SOX5: variants seen among roughly 807,000 people sequenced by gnomAD.
SOX5 encodes the protein SRY-box transcription factor 5.
In SOX5, 9 loss-of-function variants were observed where a neutral mutation model predicts 92.0. That is an observed-to-expected ratio of 0.10 (90% CI 0.06 to 0.17). SOX5 has a LOEUF of 0.17. Ranked by LOEUF, SOX5 falls within the 10% of genes least tolerant of loss-of-function variation. The probability of loss-of-function intolerance (pLI) is 1.00; values close to 1 mark genes in which losing one functional copy is unlikely to be tolerated. For missense variants in SOX5, 642 were observed against 944.5 expected (o/e 0.68, Z 4.20); for synonymous variants, 344 against 336.3 (o/e 1.02, Z -0.25).
chr12:23,760,012 T>C (rs958246300), intron 3 of SOX5, among the ~76,000 whole-genome samples: 1 of 152,056 alleles, frequency 6.6e-6, no homozygotes, highest in African/African-American at 2.4e-5. Flanking sequence ...TTTTAAGATG[T>C]GTCATGTTTT....
At chr12:23,962,279 C>CAG (rs5797053) in intron 4 of SOX5, among the ~76,000 whole-genome samples, 151,966 of 152,178 alleles carry the variant, frequency 1, 75,878 homozygotes, top group Non-Finnish European at 1. Flanking sequence ...TCAGTGGTGA[C>CAG]AGACTCTTAA....
intron 2 of SOX5, among the ~76,000 whole-genome samples, chr12:23,878,180 T>C (rs1224384882): frequency 6.6e-6 from 1 of 152,064 alleles, no homozygotes; most frequent in Non-Finnish European, 1.5e-5. Context: ...CAAGAATTAG[T>C]AGTATAGTTT....
At chr12:23,742,125 G>C (rs1204844473) in intron 4 of SOX5, among the ~76,000 whole-genome samples, 1 of 152,072 alleles carries the variant, frequency 6.6e-6, no homozygotes, top group Non-Finnish European at 1.5e-5. Context: ...TAGATAGAAG[G>C]ATCTGTTATA....
Position 23,790,479 on chromosome 12 carries a change from C to T in SOX5, c.482-34755G>A, listed in dbSNP as rs573288643. 3.3e-5 allele frequency among the ~76,000 whole-genome samples: 5 copies of T among 151,732 alleles called. No homozygotes were observed. The South Asian group carries it at 1.0e-3, about 32-fold the overall frequency. On this transcript the variant is annotated intron_variant, in intron 3 of 14. Transcript: ENST00000451604. Reference sequence around the variant, plus strand: ...GTTATTTCTTTCACAACCTCATTGTCCCTTCTTGCAGCGCCTGCCCTCCCT... The same window carrying T: ...GTTATTTCTTTCACAACCTCATTGTTCCTTCTTGCAGCGCCTGCCCTCCCT...
intron 1 of SOX5, among the ~76,000 whole-genome samples, chr12:24,512,999 T>G (rs1713344190): frequency 6.6e-6 from 1 of 152,202 alleles, no homozygotes; most frequent in Non-Finnish European, 1.5e-5. Flanking sequence ...GTAGAAACCA[T>G]ACTTCAAATT....
intron 2 of SOX5, among the ~76,000 whole-genome samples, chr12:23,875,451 C>T (rs1483786606): frequency 6.6e-6 from 1 of 151,726 alleles, no homozygotes; most frequent in Non-Finnish European, 1.5e-5. Context: ...AAATGTGTTA[C>T]AATTCTGCAA....
intron 1 of SOX5, among the ~76,000 whole-genome samples, chr12:24,495,104 CA>C (rs1381782259): frequency 6.6e-6 from 1 of 152,150 alleles, no homozygotes; most frequent in Non-Finnish European, 1.5e-5. Flanking sequence ...GAACCATTGT[CA>C]AATTAAGGAC....
At chr12:24,383,703 C>T (rs2136392567) in intron 1 of SOX5, among the ~76,000 whole-genome samples, 1 of 152,180 alleles carries the variant, frequency 6.6e-6, no homozygotes, top group Admixed American at 6.5e-5. Context: ...GGCAGCAGTC[C>T]CCAAACTTTT....
chr12:24,453,944 T>TA (rs1385219708), intron 1 of SOX5, among the ~76,000 whole-genome samples: 1 of 152,222 alleles, frequency 6.6e-6, no homozygotes, highest in Non-Finnish European at 1.5e-5. Flanking sequence ...TTGTATACTA[T>TA]AGATATCCAA....
rs543227001 is a variant in SOX5, at chr12:23,959,222, A to G, written c.-1-63198T>C. ...ATAATCAGACAAATTTTGCAAAAGA[A>G]AAAGAATGAGGGCTTAATTTACTAG... On this transcript the variant is annotated intron_variant, in intron 4 of 4. Transcript: ENST00000446891. Among the ~76,000 whole-genome samples the G allele has an allele frequency of 3.7e-4, 56 of 152,070 alleles. 1 individual carries two copies. The highest frequency in any genetic ancestry group is 9.8e-4 in the Admixed American group (15 of 15,286).
chr12:23,718,249 G>A (rs182783892), intron 6 of SOX5, among the ~76,000 whole-genome samples: 1 of 152,254 alleles, frequency 6.6e-6, no homozygotes, highest in East Asian at 1.9e-4. Context: ...ATAAAATGGT[G>A]TAATTATTCT....
chr12:23,790,548 T>TCTCACACACACACA (rs1340837266), intron 3 of SOX5, among the ~76,000 whole-genome samples: 2 of 137,322 alleles, frequency 1.5e-5, no homozygotes, highest in African/African-American at 5.6e-5. Context: ...TCTCAATCTC[T>TCTCACACACACACA]CACACACACA....
At chr12:24,553,967 G>C (rs1953488449) in intron 1 of SOX5, among the ~76,000 whole-genome samples, 1 of 152,208 alleles carries the variant, frequency 6.6e-6, no homozygotes, top group African/African-American at 2.4e-5. Flanking sequence ...TGGAGATGAG[G>C]CTGAGAGTGA....
intron 4 of SOX5, among the ~76,000 whole-genome samples, chr12:23,984,990 C>T (rs1280184798): frequency 6.6e-6 from 1 of 152,096 alleles, no homozygotes; most frequent in East Asian, 1.9e-4. Flanking sequence ...ATATAAATAA[C>T]TCTGGCAGCT....
chr12:23,555,925 C>G (rs1317895771), intron 11 of SOX5, among the ~76,000 whole-genome samples: 3 of 152,160 alleles, frequency 2.0e-5, no homozygotes, highest in Admixed American at 2.0e-4. Flanking sequence ...AGCCTATACT[C>G]AATTTCTAAA....
chr12:24,159,424 CTCTAT>C (rs1230744134), intron 4 of SOX5, among the ~76,000 whole-genome samples: 1 of 151,914 alleles, frequency 6.6e-6, no homozygotes, highest in Non-Finnish European at 1.5e-5. Context: ...TTGTAACAAA[CTCTAT>C]TCTAAGAGAA....
chr12:24,103,487 T>C (rs1946326879), intron 4 of SOX5, among the ~76,000 whole-genome samples: 1 of 152,140 alleles, frequency 6.6e-6, no homozygotes, highest in Non-Finnish European at 1.5e-5. Flanking sequence ...CCCAAGTAGC[T>C]AGGACTACAG....
chr12:24,498,382 T>C (rs996452133), intron 1 of SOX5, among the ~76,000 whole-genome samples: 14 of 152,174 alleles, frequency 9.2e-5, no homozygotes, highest in African/African-American at 3.1e-4. Context: ...CCCAAATTCA[T>C]GCACTAAGAC....
intron 1 of SOX5, among the ~76,000 whole-genome samples, chr12:24,494,364 C>T (rs1170258633): frequency 3.9e-5 from 6 of 152,142 alleles, no homozygotes; most frequent in African/African-American, 1.2e-4. Context: ...CTAATGCAGG[C>T]CATCCAACAA....
Sources: gnomAD v4.1 joint callset for allele counts (sites outside exome capture counted in the v4.1 genomes callset) on GRCh38, gnomAD v4.1.1 for gene constraint, MANE v1.5 for transcripts, NCBI Gene and HGNC (gene_info 2026-07-23, HGNC 2026-07-21) for gene names.